Variants in CBLB observed in about 807,000 individuals in gnomAD.
CBLB encodes the protein Cbl proto-oncogene B.
Under a neutral mutation model 104.9 loss-of-function variants are expected in CBLB, and 31 were observed. That is an observed-to-expected ratio of 0.30 (90% CI 0.22 to 0.40). CBLB has a LOEUF of 0.40. Among genes scored for constraint, CBLB ranks in the 10% least tolerant of loss-of-function variants. The probability of loss-of-function intolerance (pLI) is 1.00; values close to 1 mark genes in which losing one functional copy is unlikely to be tolerated. For synonymous variants in CBLB, 440 were observed against 422.6 expected (o/e 1.04, Z -0.51); for missense variants, 1,062 against 1,214.6 (o/e 0.87, Z 1.87).
intron 17 of CBLB, 124 bp from the exon 18 acceptor site, chr3:105,670,476 T>C: frequency 1.3e-6 from 1 of 796,770 alleles, no homozygotes; most frequent in Non-Finnish European, 2.0e-6. Flanking sequence ...ATTAAATTCA[T>C]GACTGATATT....
chr3:105,793,942 T>C (rs965697973), intron 3 of CBLB, among the ~76,000 whole-genome samples: 1 of 152,224 alleles, frequency 6.6e-6, no homozygotes, highest in African/African-American at 2.4e-5. Flanking sequence ...ATATGAAGTA[T>C]GAAAATATTA....
chr3:105,789,861 C>G (rs971985474), intron 3 of CBLB, among the ~76,000 whole-genome samples: 1 of 152,160 alleles, frequency 6.6e-6, no homozygotes, highest in Non-Finnish European at 1.5e-5. Flanking sequence ...ATTAATAATC[C>G]TACTTATTAA....
intron 3 of CBLB, among the ~76,000 whole-genome samples, chr3:105,802,405 G>T (rs188009224): frequency 1.3e-5 from 2 of 152,220 alleles, no homozygotes; most frequent in Non-Finnish European, 2.9e-5. Flanking sequence ...ACTCTTAAAG[G>T]TATCTGTGAG....
chr3:105,679,518 C>G (rs990743762), intron 16 of CBLB, among the ~76,000 whole-genome samples: 1 of 152,016 alleles, frequency 6.6e-6, no homozygotes, highest in Non-Finnish European at 1.5e-5. Context: ...TGGCTCATGT[C>G]TGTAATCCCA....
At chr3:105,696,316 C>T (rs531514015) in intron 12 of CBLB, among the ~76,000 whole-genome samples, 7 of 151,774 alleles carry the variant, frequency 4.6e-5, no homozygotes, top group South Asian at 2.1e-4. Context: ...TATTTATTGA[C>T]GGTGGCTAGA....
Position 105,681,668 on chromosome 3 carries a change from T to C in CBLB, c.2296+56A>G, listed in dbSNP as rs774853543. 4 of 1,609,866 alleles carry C rather than the reference T, an allele frequency of 2.5e-6. No homozygotes were observed. In the South Asian group the frequency reaches 3.3e-5, roughly 13 times the overall value. Reference sequence around the variant, plus strand: ...CAGTACAATGGCATGAAATTTTGCCTTTAAATTCTGACCATTAAGATGTAC... The same window carrying C: ...CAGTACAATGGCATGAAATTTTGCCCTTAAATTCTGACCATTAAGATGTAC... On this transcript the variant is annotated intron_variant, in intron 15 of 18. Coordinates refer to ENST00000394030, the MANE Select transcript of CBLB (RefSeq NM_170662.5).
In CBLB at chr3:105,704,198, C is replaced by T. The variant is rs112156265; in HGVS notation, c.1408-25G>A. On this transcript the variant is annotated intron_variant, in intron 10 of 18. Transcript: ENST00000394030. ...ACTAGAACAGAAAAAGAGAAAGATG[C>T]CGCTGTTTATTAGCTGTGCAGAGTG... The T allele has an allele frequency of 2.4e-4, 389 of 1,606,296 alleles. 1 individual carries two copies. The African/African-American group carries it at 4.3e-3, about 18-fold the overall frequency.
chr3:105,818,318 T>C, intron 3 of CBLB, among the ~76,000 whole-genome samples: 1 of 152,152 alleles, frequency 6.6e-6, no homozygotes, highest in East Asian at 1.9e-4. Flanking sequence ...TTATGGAGAT[T>C]ATACATCCAC....
At chr3:105,678,896 G>A (rs1307990045) in intron 16 of CBLB, among the ~76,000 whole-genome samples, 2 of 152,024 alleles carry the variant, frequency 1.3e-5, no homozygotes, top group Non-Finnish European at 2.9e-5. Flanking sequence ...ATAATATTAG[G>A]ACTCAGAGTT....
intron 13 of CBLB, among the ~76,000 whole-genome samples, chr3:105,692,168 G>A (rs901814471): frequency 6.6e-6 from 1 of 152,062 alleles, no homozygotes; most frequent in Non-Finnish European, 1.5e-5. Flanking sequence ...TGTAAATAAG[G>A]ACCTCAGCAG....
chr3:105,698,529 G>C (rs570151540), intron 12 of CBLB, among the ~76,000 whole-genome samples: 1 of 148,892 alleles, frequency 6.7e-6, no homozygotes, highest in Non-Finnish European at 1.5e-5. Flanking sequence ...CTCTAAAATG[G>C]GAAGATGCTA....
At position 105,685,476 on chromosome 3, in the gene CBLB, G is replaced by T; in HGVS notation, c.2055-10C>A. ...TAACGGACCAGTACACCTACCAGGG[G>T]AAAAAAAATCCAATCTAGTTTAAGC... is the stretch of plus-strand genomic sequence containing the variant. On this transcript the variant is annotated splice_polypyrimidine_tract_variant and intron_variant, in intron 13 of 18. Transcript: ENST00000394030. The T allele has an allele frequency of 6.2e-7, 1 of 1,609,144 alleles. No homozygotes were observed. The highest frequency in any genetic ancestry group is 8.5e-7 in the Non-Finnish European group (1 of 1,176,250).
At chr3:105,671,090 G>A (rs1299122305) in intron 17 of CBLB, 1 of 186,522 alleles carries the variant, frequency 5.4e-6, no homozygotes, top group East Asian at 8.6e-5. Context: ...GGAACTAAAG[G>A]GAGAAAAAGA....
In CBLB at chr3:105,658,303, G is replaced by A; in HGVS notation, c.*667C>T. On this transcript the variant is annotated 3_prime_UTR_variant, in exon 19 of 19. Transcript: ENST00000394030. ...AACCCCTTACAAAAGGCAGTTTATT[G>A]ACAAATAAATGCTTTATACATTCAG... 4.5e-6 allele frequency: 1 copy of A among 220,880 alleles called. No individual in the cohort carries two copies. Among genetic ancestry groups the A allele is most frequent in the East Asian group, 6.7e-5 (1 of 15,030 alleles). The allele number at this position is 220,880 out of a possible 1,614,324, so 13.7% of individuals were successfully genotyped here.
chr3:105,694,727 T>A (rs1053316327), intron 12 of CBLB, among the ~76,000 whole-genome samples: 1 of 151,888 alleles, frequency 6.6e-6, no homozygotes, highest in African/African-American at 2.4e-5. Flanking sequence ...AGCTTTAAAG[T>A]TTCACTAGAG....
At chr3:105,670,211 T>C (rs778003201) in intron 18 of CBLB, 22 bp downstream of exon 18, 18 of 1,608,250 alleles carry the variant, frequency 1.1e-5, no homozygotes, top group East Asian at 2.2e-5. Context: ...GGTATTATTG[T>C]TACTGTTACT....
At position 105,838,538 on chromosome 3, in the gene CBLB, G is replaced by A. The variant is rs146016829; in HGVS notation, c.419+14876C>T. On this transcript the variant is annotated intron_variant, in intron 3 of 18. Transcript: ENST00000394030. ...TAGGAAAGGGAGGAGAAAGGGGCAG[G>A]ATAAAAGGCTGGCAAGCAAAGGTAA... Among the ~76,000 whole-genome samples, 730 of 152,004 alleles carry A rather than the reference G, an allele frequency of 4.8e-3. 3 individuals carry two copies. Among genetic ancestry groups the A allele is most frequent in the Middle Eastern group, 0.01 (3 of 294 alleles).
At chr3:105,746,482 C>T (rs1256554305) in intron 5 of CBLB, among the ~76,000 whole-genome samples, 1 of 152,128 alleles carries the variant, frequency 6.6e-6, no homozygotes, top group Admixed American at 6.5e-5. Context: ...TATAACTCTC[C>T]CACTTTCTGC....
At position 105,725,697 on chromosome 3, in the gene CBLB, G is replaced by T. The variant is rs1007862727; in HGVS notation, c.1204-5447C>A. ...CATTTACACAAAAGACACAACGGGT[G>T]GTTAAAGACAAAAGTGCCAATTTAA... On this transcript the variant is annotated intron_variant, in intron 9 of 18. Transcript: ENST00000394030. Among the ~76,000 whole-genome samples, 23 of 152,200 alleles carry T rather than the reference G, an allele frequency of 1.5e-4. 1 individual carries two copies. The highest frequency in any genetic ancestry group is 8.5e-4 in the Admixed American group (13 of 15,296).
Sources: gnomAD v4.1 joint callset for allele counts (sites outside exome capture counted in the v4.1 genomes callset) on GRCh38, gnomAD v4.1.1 for gene constraint, MANE v1.5 for transcripts, NCBI Gene and HGNC (gene_info 2026-07-23, HGNC 2026-07-21) for gene names.